The following TENM3 variants were observed in gnomAD, a reference collection of about 807,000 sequenced individuals.
TENM3 encodes teneurin-3.
In TENM3, 63 loss-of-function variants were observed where a neutral mutation model predicts 255.1. The ratio of observed to expected loss-of-function variants is 0.25; its 90% confidence interval spans 0.20 to 0.30. The LOEUF is 0.30. Ranked by LOEUF, TENM3 falls within the 10% of genes least tolerant of loss-of-function variation. The probability of loss-of-function intolerance (pLI) is 1.00; values close to 1 mark genes in which losing one functional copy is unlikely to be tolerated. For missense variants in TENM3, 2,929 were observed against 3,461.1 expected, an observed-to-expected ratio of 0.85 and a Z score of 3.86; for synonymous variants, 1,306 against 1,322.3, an observed-to-expected ratio of 0.99 and a Z score of 0.27.
chr4:182,432,435 A>G (rs17073281), intron 3 of TENM3, among the ~76,000 whole-genome samples: 46,891 of 152,176 alleles, frequency 0.31, 7,592 homozygotes, highest in Middle Eastern at 0.41. Flanking sequence ...ATGATATACA[A>G]CGTTATTCCA....
chr4:181,630,986 A>G, the TENM3 span, among the ~76,000 whole-genome samples: 1 of 152,224 alleles, frequency 6.6e-6, no homozygotes, highest in South Asian at 2.1e-4. Context: ...AACTCAGGGC[A>G]GATTCCTGAG....
chr4:181,722,642 C>T, the TENM3 span, among the ~76,000 whole-genome samples: 6 of 152,030 alleles, frequency 3.9e-5, no homozygotes, highest in Admixed American at 3.9e-4. Flanking sequence ...AAAGCATAAA[C>T]AATGAAATTA....
chr4:182,040,708 T>C, the TENM3 span, among the ~76,000 whole-genome samples: 1 of 152,348 alleles, frequency 6.6e-6, no homozygotes, highest in African/African-American at 2.4e-5. Context: ...GTTTCCATTT[T>C]TCTGATAATC....
At chr4:182,357,885 G>A (rs76246817) in intron 3 of TENM3, among the ~76,000 whole-genome samples, 1 of 151,478 alleles carries the variant, frequency 6.6e-6, no homozygotes, top group East Asian at 1.9e-4. Flanking sequence ...ATCTTGAATT[G>A]ATTTTTGTAT....
chr4:181,523,444 G>A, the TENM3 span, among the ~76,000 whole-genome samples: 2 of 151,888 alleles, frequency 1.3e-5, no homozygotes, highest in East Asian at 3.9e-4. Context: ...GTTTTCCAGG[G>A]GTAAGATGAA....
At chr4:181,939,107 CAG>C in the TENM3 span, among the ~76,000 whole-genome samples, 1 of 152,030 alleles carries the variant, frequency 6.6e-6, no homozygotes, top group Non-Finnish European at 1.5e-5. Context: ...ATAATTATAA[CAG>C]TAATCTTGTG....
the TENM3 span, among the ~76,000 whole-genome samples, chr4:181,862,716 A>AT: frequency 6.6e-6 from 1 of 152,186 alleles, no homozygotes; most frequent in African/African-American, 2.4e-5. Flanking sequence ...ATTATATTAT[A>AT]TATGACATTG....
At chr4:181,945,184 G>A in the TENM3 span, among the ~76,000 whole-genome samples, 1 of 152,048 alleles carries the variant, frequency 6.6e-6, no homozygotes, top group Non-Finnish European at 1.5e-5. Flanking sequence ...TTGGAAAGAT[G>A]TATAAACTAC....
chr4:182,057,206 C>T, the TENM3 span, among the ~76,000 whole-genome samples: 25 of 151,160 alleles, frequency 1.7e-4, no homozygotes, highest in African/African-American at 4.9e-4. Context: ...GGACTGGATC[C>T]TGGAGGAGAA....
the TENM3 span, among the ~76,000 whole-genome samples, chr4:181,868,811 G>T: frequency 6.6e-6 from 1 of 152,046 alleles, no homozygotes; most frequent in Non-Finnish European, 1.5e-5. Context: ...CATAATAAAT[G>T]ACAAAATAGG....
At chr4:182,346,510 T>TA (rs916395251) in intron 2 of TENM3, 141 bp from the exon 3 acceptor site, 23 of 841,336 alleles carry the variant, frequency 2.7e-5, no homozygotes, top group Non-Finnish European at 3.0e-5. Flanking sequence ...GACGCTACTG[T>TA]AAACGCCTGG....
chr4:182,028,157 G>T, the TENM3 span, among the ~76,000 whole-genome samples: 2 of 152,220 alleles, frequency 1.3e-5, no homozygotes, highest in South Asian at 2.1e-4. Flanking sequence ...ACTTGTTATT[G>T]ATTTGTTCCA....
chr4:182,044,231 C>A, the TENM3 span, among the ~76,000 whole-genome samples: 1 of 151,558 alleles, frequency 6.6e-6, no homozygotes, highest in Non-Finnish European at 1.5e-5. Flanking sequence ...CTTGGAAAAG[C>A]ACAAAAAAAG....
intron 24 of TENM3, among the ~76,000 whole-genome samples, chr4:182,777,545 TTC>T (rs1764781339): frequency 5.6e-5 from 5 of 88,626 alleles, no homozygotes; most frequent in South Asian, 4.3e-4. Context: ...GTGTGTGTAT[TTC>T]TTTTTTTTTT....
chr4:182,358,489 G>A (rs1275746995), intron 3 of TENM3, among the ~76,000 whole-genome samples: 5 of 136,462 alleles, frequency 3.7e-5, no homozygotes, highest in South Asian at 5.4e-4. Flanking sequence ...AATTGTGAAT[G>A]GGAGTTCCCT....
intron 1 of TENM3, among the ~76,000 whole-genome samples, chr4:182,251,162 C>T (rs1757989951): frequency 6.6e-6 from 1 of 152,108 alleles, no homozygotes; most frequent in Admixed American, 6.5e-5. Context: ...TGAAAAAAAC[C>T]TTTCCACTTA....
intron 1 of TENM3, among the ~76,000 whole-genome samples, chr4:182,187,239 A>G (rs1466014943): frequency 6.6e-6 from 1 of 152,218 alleles, no homozygotes; most frequent in Non-Finnish European, 1.5e-5. Flanking sequence ...AAGAAAAACA[A>G]CATTCTAAAT....
chr4:182,304,387 T>G (rs1259707177), intron 1 of TENM3, among the ~76,000 whole-genome samples: 1 of 152,118 alleles, frequency 6.6e-6, no homozygotes, highest in Non-Finnish European at 1.5e-5. Context: ...TAATTTTTTG[T>G]ATTTTTAGTA....
At chr4:181,778,893 C>A in the TENM3 span, among the ~76,000 whole-genome samples, 2 of 152,156 alleles carry the variant, frequency 1.3e-5, no homozygotes, top group South Asian at 4.1e-4. Context: ...TGAGGAACTA[C>A]TGTGAATATT....
Sources: allele counts gnomAD v4.1 joint callset (sites outside exome capture counted in the v4.1 genomes callset), GRCh38; gene constraint gnomAD v4.1.1; transcripts MANE v1.5; gene names NCBI Gene and HGNC (gene_info 2026-07-23, HGNC 2026-07-21).